Variants in GAB2 observed in about 807,000 individuals in gnomAD.
GAB2 encodes GRB2-associated-binding protein 2.
GAB2 carries 26 observed loss-of-function variants against 65.5 expected under a neutral mutation model. The ratio of observed to expected loss-of-function variants is 0.40; its 90% CI spans 0.29 to 0.55. The LOEUF (loss-of-function observed/expected upper bound fraction) is 0.55. Among genes scored for constraint, GAB2 ranks in the 20% least tolerant of loss-of-function variants. The pLI is 0.53. For missense variants in GAB2, 884 were observed against 875.8 expected, an observed-to-expected ratio of 1.01 and a Z score of -0.12; for synonymous variants, 321 against 329.6, an observed-to-expected ratio of 0.97 and a Z score of 0.28.
At position 78,313,156 on chromosome 11, in the gene GAB2, T is replaced by C. The variant is rs80024068; in HGVS notation, c.76-32255A>G. ...AAGGTTGTCACGAGAATCTGATGTG[T>C]ATAAGCCTTAGTGTATTCTTTGGGA... On this transcript the variant is annotated intron_variant, in intron 1 of 9. Transcript: ENST00000361507. Among the ~76,000 whole-genome samples, 246 of 152,344 alleles carry C rather than the reference T, an allele frequency of 1.6e-3. 1 individual carries two copies. The East Asian group carries it at 0.034, about 21-fold the overall frequency.
Position 78,400,221 on chromosome 11 carries a change from A to G in GAB2, c.75+17425T>C, listed in dbSNP as rs140403707. Reference sequence around the variant, plus strand: ...CCACCTCTTTCTCATTTTGAACACCATATTCCTTCCTAGGCCCTTATCTCT... The same window carrying G: ...CCACCTCTTTCTCATTTTGAACACCGTATTCCTTCCTAGGCCCTTATCTCT... On this transcript the variant is annotated intron_variant, in intron 1 of 9. Transcript: ENST00000361507. 2.0e-4 allele frequency among the ~76,000 whole-genome samples: 31 copies of G among 152,212 alleles called. 1 individual carries two copies. In the East Asian group the frequency reaches 5.8e-3, roughly 28 times the overall value.
chr11:78,283,396 G>A (rs551783178), intron 1 of GAB2, among the ~76,000 whole-genome samples: 1 of 152,140 alleles, frequency 6.6e-6, no homozygotes, highest in Non-Finnish European at 1.5e-5. Flanking sequence ...TGACTAGGAT[G>A]ATTCCCATCA....
Position 78,226,585 on chromosome 11 carries a change from T to C in GAB2, c.1087A>G (p.Thr363Ala). 6.3e-7 allele frequency: 1 copy of C among 1,598,232 alleles called. No individual in the cohort carries two copies. The highest frequency in any genetic ancestry group is 8.5e-7 in the Non-Finnish European group (1 of 1,170,048). Residue 363 changes from threonine to alanine, a missense_variant, in exon 4 of 10, where the codon ACA becomes GCA. By Grantham distance (58) the Thr-to-Ala change is moderately conservative. Transcript: ENST00000361507. ...TGCTGAGGACTGCCCCATCGAGGTG[T>C]TTCTGCCTGACTTGGCTTGGGGGGG... ...PRPPKPSQAE[T>A]PRWGSPQQRP...
intron 1 of GAB2, among the ~76,000 whole-genome samples, chr11:78,330,755 A>T (rs1359894973): frequency 2.6e-5 from 4 of 151,674 alleles, no homozygotes; most frequent in African/African-American, 9.7e-5. Context: ...GGTGCTTCCC[A>T]TATGTTATTT....
chr11:78,378,127 C>A (rs1274080339), intron 1 of GAB2, among the ~76,000 whole-genome samples: 2 of 152,138 alleles, frequency 1.3e-5, no homozygotes, highest in African/African-American at 2.4e-5. Context: ...GTATCCTTCC[C>A]TAGGATTTTA....
chr11:78,269,000 GA>G (rs2134561586), intron 2 of GAB2, among the ~76,000 whole-genome samples: 1 of 151,982 alleles, frequency 6.6e-6, no homozygotes, highest in South Asian at 2.1e-4. Context: ...AGGAAGGCCT[GA>G]TATTTCAGGG....
In GAB2 at chr11:78,219,050, T is replaced by G; in HGVS notation, c.*222A>C. The G allele has an allele frequency of 1.9e-6, 1 of 539,360 alleles. No individual in the cohort carries two copies. Among genetic ancestry groups the G allele is most frequent in the Non-Finnish European group, 3.3e-6 (1 of 304,110 alleles). The allele number at this position is 539,360 out of a possible 1,614,324, so 33.4% of individuals were successfully genotyped here. A position where few individuals can be genotyped will look rare whatever the true frequency, so the allele number is the denominator to read the frequency against. ...TGGGTGGAGGCATGGCCATTACTGA[T>G]AAAAATCACAGCTGGGCCCCGAGTG... On this transcript the variant is annotated 3_prime_UTR_variant, in exon 10 of 10. Coordinates refer to ENST00000361507, the MANE Select transcript of GAB2 (RefSeq NM_080491.3).
In GAB2 at chr11:78,215,317, TTTA is replaced by T. The variant is rs1346340439; in HGVS notation, c.*3952_*3954del. ...GTTCTGGGGTGCATTTCTAGTGGAC[TTTA>T]TTGTCCTGCTCCAACACCACAGTAG... On this transcript the variant is annotated 3_prime_UTR_variant, in exon 10 of 10. Coordinates refer to ENST00000361507, the MANE Select transcript of GAB2 (RefSeq NM_080491.3). 2 of 152,760 alleles carry T rather than the reference TTTA, an allele frequency of 1.3e-5. No homozygotes were observed. Among genetic ancestry groups the T allele is most frequent in the African/African-American group, 4.8e-5 (2 of 41,566 alleles). The allele number at this position is 152,760 out of a possible 1,614,324, so 9.5% of individuals were successfully genotyped here.
chr11:78,240,430 C>T (rs1454909527), intron 3 of GAB2, among the ~76,000 whole-genome samples: 1 of 152,136 alleles, frequency 6.6e-6, no homozygotes, highest in African/African-American at 2.4e-5. Context: ...AGACACCCTG[C>T]CCTACAGGCC....
intron 1 of GAB2, among the ~76,000 whole-genome samples, chr11:78,309,084 G>C (rs534482171): frequency 1.3e-5 from 2 of 152,260 alleles, no homozygotes; most frequent in South Asian, 4.1e-4. Flanking sequence ...GAATTACTTA[G>C]GAGTTAGGTC....
At chr11:78,405,745 G>C (rs1453158319) in intron 1 of GAB2, among the ~76,000 whole-genome samples, 2 of 152,206 alleles carry the variant, frequency 1.3e-5, no homozygotes, top group Non-Finnish European at 2.9e-5. Context: ...CCCAAGGAAT[G>C]ACACAGTGAT....
chr11:78,415,783 C>T (rs541493141), intron 1 of GAB2, among the ~76,000 whole-genome samples: 1 of 152,266 alleles, frequency 6.6e-6, no homozygotes, highest in African/African-American at 2.4e-5. Flanking sequence ...TGTTTGGGAA[C>T]AAAAACACCC....
Position 78,250,386 on chromosome 11 carries a change from C to G in GAB2, c.391G>C (p.Val131Leu). Residue 131 changes from valine to leucine, a missense_variant, in exon 3 of 10, where the codon GTT (valine) becomes CTT (leucine). Coordinates refer to ENST00000361507, the MANE Select transcript of GAB2 (RefSeq NM_080491.3). Reference protein sequence around the residue: ...AEESTDSLRNVSSAGHGPRSS... With the variant: ...AEESTDSLRNLSSAGHGPRSS... ...CGGGGGCCATGACCGGCTGAGGAAA[C>G]ATTTCTCAGGGAGTCTGAAAAGGAG... 6.2e-7 allele frequency: 1 copy of G among 1,612,858 alleles called. No homozygotes were observed. The highest frequency in any genetic ancestry group is 8.5e-7 in the Non-Finnish European group (1 of 1,179,170).
chr11:78,228,125 T>A (rs1400027657), intron 3 of GAB2, among the ~76,000 whole-genome samples: 2 of 152,174 alleles, frequency 1.3e-5, no homozygotes, highest in African/African-American at 4.8e-5. Context: ...CTCTCTCAGG[T>A]GGGACCTAGT....
chr11:78,249,864 C>T (rs1319901544), intron 3 of GAB2, among the ~76,000 whole-genome samples: 2 of 150,414 alleles, frequency 1.3e-5, no homozygotes, highest in African/African-American at 2.4e-5. Flanking sequence ...TTTTGCAATT[C>T]GGAAACTGTG....
At chr11:78,407,658 T>TGGCAGAAAGAAAGA (rs1857065183) in intron 1 of GAB2, among the ~76,000 whole-genome samples, 1 of 117,140 alleles carries the variant, frequency 8.5e-6, no homozygotes, top group Non-Finnish European at 1.7e-5. Context: ...AGAAAGAAAG[T>TGGCAGAAAGAAAGA]AAGAAAGAAA....
At chr11:78,227,282 C>T (rs1864698901) in intron 3 of GAB2, among the ~76,000 whole-genome samples, 1 of 152,226 alleles carries the variant, frequency 6.6e-6, no homozygotes, top group African/African-American at 2.4e-5. Context: ...ATAACCCCCA[C>T]TCCCTGAACA....
chr11:78,233,099 A>C (rs971485708), intron 3 of GAB2, among the ~76,000 whole-genome samples: 1 of 146,516 alleles, frequency 6.8e-6, no homozygotes. Context: ...GAATGCAGTG[A>C]CGTGATCTCA....
intron 1 of GAB2, among the ~76,000 whole-genome samples, chr11:78,407,782 GAAAGA>G (rs1419334465): frequency 6.7e-6 from 1 of 149,946 alleles, no homozygotes; most frequent in Non-Finnish European, 1.5e-5. Context: ...GAGAAAGAAA[GAAAGA>G]AAAGAAAAGA....
Sources: allele counts gnomAD v4.1 joint callset (sites outside exome capture counted in the v4.1 genomes callset), GRCh38; gene constraint gnomAD v4.1.1; transcripts MANE v1.5; gene names NCBI Gene and HGNC (gene_info 2026-07-23, HGNC 2026-07-21).